TRPV1: variants seen among roughly 807,000 people sequenced by gnomAD.
TRPV1 encodes the protein OTRPC1.
Under a neutral mutation model 82.3 loss-of-function variants are expected in TRPV1, and 82 were observed. The observed-to-expected ratio is 1.00, with a 90% CI of 0.83 to 1.20. TRPV1 has a LOEUF of 1.20. TRPV1 is among the 50% of genes most tolerant of loss of function. TRPV1 has a pLI of 0.00. For synonymous variants in TRPV1, 515 were observed against 467.7 expected (o/e 1.10, Z -1.30); for missense variants, 1,067 against 1,096.8 (o/e 0.97, Z 0.38).
chr17:3,601,619 G>C (rs1363099296), intron 2 of TRPV1: 6 of 151,104 alleles, frequency 4.0e-5, no homozygotes, highest in African/African-American at 7.3e-5. Context: ...TTTTTTTAAA[G>C]AGGTGGTATC....
At chr17:3,568,067 A>C (rs1273071534) in intron 16 of TRPV1, among the ~76,000 whole-genome samples, 1 of 152,204 alleles carries the variant, frequency 6.6e-6, no homozygotes, top group East Asian at 1.9e-4. Context: ...TCACGCCTGT[A>C]ATCCCAGCAC....
chr17:3,594,385 G>T (rs1471471633), intron 2 of TRPV1, among the ~76,000 whole-genome samples: 1 of 150,918 alleles, frequency 6.6e-6, no homozygotes, highest in Non-Finnish European at 1.5e-5. Context: ...GGCTCAGAGA[G>T]ACTCCCAAGT....
chr17:3,577,107 C>T lies in TRPV1; in HGVS notation c.1780+19G>A, dbSNP rs200330186. ...AAGCAGGACCCCTGCCCTCCCCCAG[C>T]GCTGACCAAGCTCATTACCTGTGGA... On this transcript the variant is annotated intron_variant, in intron 13 of 16. Transcript: ENST00000572705. 297 of 1,572,946 alleles carry T rather than the reference C, an allele frequency of 1.9e-4. 2 individuals carry two copies. The South Asian group carries it at 3.2e-3, about 17-fold the overall frequency.
Position 3,571,542 on chromosome 17 carries a change from A to G in TRPV1, c.2329T>C (p.Ser777Pro), listed in dbSNP as rs1314937707. Residue 777 changes from serine (S) to proline (P), a missense_variant, in exon 16 of 17, where the codon TCC (serine) becomes CCC (proline). Ser to Pro is a moderately conservative substitution (Grantham distance 74). Coordinates refer to ENST00000572705, the MANE Select transcript of TRPV1 (RefSeq NM_080704.4). Reference sequence around the variant, plus strand: ...GCCTCACCTCTGCTTGACCGCAGGGAGAAGCTCAGGGTGCGCTTGACGCCC... The same window carrying G: ...GCCTCACCTCTGCTTGACCGCAGGGGGAAGCTCAGGGTGCGCTTGACGCCC... ...CEGVKRTLSF[S>P]LRSSRVSGRH... 1.2e-6 allele frequency: 2 copies of G among 1,607,596 alleles called. No individual in the cohort carries two copies. Among genetic ancestry groups the G allele is most frequent in the South Asian group, 1.1e-5 (1 of 89,466 alleles).
rs561813286 is a variant in TRPV1 at position 3,569,538 on chromosome 17, C to T, written c.2347+1986G>A. On this transcript the variant is annotated intron_variant, in intron 16 of 16. Transcript: ENST00000572705. ...CCTAGGGACATTTCCCCAACTACAACGCGGTGAGCTGCAGTCTAAGAAGAG... is the reference window on the plus strand; with the variant it reads ...CCTAGGGACATTTCCCCAACTACAATGCGGTGAGCTGCAGTCTAAGAAGAG... Among the ~76,000 whole-genome samples the T allele has an allele frequency of 3.3e-5, 5 of 152,342 alleles. No individual in the cohort carries two copies. In the South Asian group the frequency reaches 6.2e-4, roughly 19 times the overall value.
intron 11 of TRPV1, among the ~76,000 whole-genome samples, chr17:3,579,484 T>G (rs975620596): frequency 1.3e-5 from 2 of 152,074 alleles, no homozygotes; most frequent in East Asian, 3.9e-4. Flanking sequence ...ATGTTCTATT[T>G]ATTTATTTAG....
chr17:3,609,322 T>TGAGAGAGAGAGAGAGAGAGAGAGA lies in TRPV1; in HGVS notation c.-210_-187dup, dbSNP rs3840876. 1.1e-4 allele frequency: 17 copies of TGAGAGAGAGAGAGAGAGAGAGAGA among 148,668 alleles called. No individual in the cohort carries two copies. Among genetic ancestry groups the TGAGAGAGAGAGAGAGAGAGAGAGA allele is most frequent in the African/African-American group, 3.7e-4 (15 of 40,014 alleles). The allele number at this position is 148,668 out of a possible 1,614,324, so 9.2% of individuals were successfully genotyped here. Reference sequence around the variant, plus strand: ...TATGTTTCATACCTGTCATGGATACTGAGAGAGAGAGAGAGAGAGAGAGAG... The same window carrying TGAGAGAGAGAGAGAGAGAGAGAGA: ...TATGTTTCATACCTGTCATGGATACTGAGAGAGAGAGAGAGAGAGAGAGAGAGAGAGAGAGAGAGAGAGAGAGAG... On this transcript the variant is annotated 5_prime_UTR_variant, in exon 1 of 17. Transcript: ENST00000572705.
At chr17:3,600,771 T>G (rs899923504) in intron 2 of TRPV1, among the ~76,000 whole-genome samples, 2 of 152,126 alleles carry the variant, frequency 1.3e-5, no homozygotes, top group African/African-American at 4.8e-5. Context: ...CCTCCTGCCC[T>G]GGCCACTCCT....
At chr17:3,576,793 G>A (rs1320576170) in intron 13 of TRPV1, among the ~76,000 whole-genome samples, 2 of 141,008 alleles carry the variant, frequency 1.4e-5, no homozygotes, top group Non-Finnish European at 3.0e-5. Flanking sequence ...AGGTTGCAGT[G>A]AGCCAAGGTC....
intron 13 of TRPV1, among the ~76,000 whole-genome samples, chr17:3,575,416 G>A (rs1286836221): frequency 3.3e-5 from 5 of 151,892 alleles, no homozygotes; most frequent in South Asian, 2.1e-4. Flanking sequence ...CTGGGAGGCC[G>A]AGGTTGCAGT....
In TRPV1 at chr17:3,567,775, C is replaced by CAA. The variant is rs1295174983; in HGVS notation, c.2348-790_2348-789dup. ...TGGGCGACAGAACAAGATTCTGTCT[C>CAA]AAAAAAAAAAAAAAGAAAAAAATTA... On this transcript the variant is annotated intron_variant, in intron 16 of 16. Coordinates refer to ENST00000572705, the MANE Select transcript of TRPV1 (RefSeq NM_080704.4). Among the ~76,000 whole-genome samples, 167 of 104,630 alleles carry CAA rather than the reference C, an allele frequency of 1.6e-3. 3 individuals are homozygous for CAA. The East Asian group carries it at 0.036, about 23-fold the overall frequency. The allele number at this position is 104,630 out of a possible 152,430, so 68.6% of individuals were successfully genotyped here. A position where few individuals can be genotyped will look rare whatever the true frequency, so the allele number is the denominator to read the frequency against.
At chr17:3,567,928 C>A (rs2074791818) in intron 16 of TRPV1, among the ~76,000 whole-genome samples, 1 of 152,168 alleles carries the variant, frequency 6.6e-6, no homozygotes, top group South Asian at 2.1e-4. Context: ...TTGTAAACCG[C>A]CAACACTGTC....
chr17:3,566,669 G>C lies in TRPV1; in HGVS notation c.*146C>G. 1.0e-6 allele frequency: 1 copy of C among 992,264 alleles called. No individual in the cohort carries two copies. The highest frequency in any genetic ancestry group is 1.4e-6 in the Non-Finnish European group (1 of 695,558). The allele number at this position is 992,264 out of a possible 1,614,324, so 61.5% of individuals were successfully genotyped here. The stretch of plus-strand genomic sequence containing the variant: ...CATGCTTCCAAGAACGCTTCCCACA[G>C]CTTGTCCAGCACAGATTTGGGAACA... On this transcript the variant is annotated 3_prime_UTR_variant, in exon 17 of 17. Transcript: ENST00000572705.
intron 2 of TRPV1, among the ~76,000 whole-genome samples, chr17:3,600,449 C>T (rs971649751): frequency 3.3e-5 from 5 of 152,024 alleles, no homozygotes; most frequent in African/African-American, 9.7e-5. Context: ...ATTAGCTGGG[C>T]GTGGTGGTGC....
chr17:3,597,311 G>A (rs376806908), intron 2 of TRPV1, among the ~76,000 whole-genome samples: 31 of 152,310 alleles, frequency 2.0e-4, no homozygotes, highest in African/African-American at 7.0e-4. Flanking sequence ...GGCGCTGCTC[G>A]GCCTCTCAAA....
chr17:3,603,409 G>A (rs1597557726), intron 2 of TRPV1, among the ~76,000 whole-genome samples: 2 of 152,202 alleles, frequency 1.3e-5, no homozygotes, highest in East Asian at 3.9e-4. Flanking sequence ...AGGGTCAGCA[G>A]GTGGGTAGAA....
At chr17:3,607,037 A>G (rs1417164183) in intron 2 of TRPV1, among the ~76,000 whole-genome samples, 3 of 152,106 alleles carry the variant, frequency 2.0e-5, no homozygotes, top group Non-Finnish European at 4.4e-5. Context: ...TCTTAAACTC[A>G]TTTGGCTGAA....
intron 7 of TRPV1, chr17:3,588,828 A>C (rs1240478099): frequency 7.3e-7 from 1 of 1,369,854 alleles, no homozygotes; most frequent in African/African-American, 1.5e-5. Context: ...AAAAAAAAAA[A>C]AACAAAACAC....
chr17:3,577,838 GGCC>G (rs1324788048), intron 11 of TRPV1, 75 bp from the exon 12 acceptor site: 1 of 1,452,644 alleles, frequency 6.9e-7, no homozygotes, highest in African/African-American at 1.4e-5. Context: ...AAAGGTCACA[GGCC>G]GCTCAGAGGT....
Sources: gnomAD v4.1 joint callset for allele counts (sites outside exome capture counted in the v4.1 genomes callset) on GRCh38, gnomAD v4.1.1 for gene constraint, MANE v1.5 for transcripts, NCBI Gene and HGNC (gene_info 2026-07-23, HGNC 2026-07-21) for gene names.